The following BRINP3 variants were observed in gnomAD, a reference collection of about 807,000 sequenced individuals.
BRINP3 encodes BMP/retinoic acid-inducible neural-specific protein 3.
A neutral mutation model predicts 71.0 loss-of-function variants in BRINP3; 19 were observed. That is an observed-to-expected ratio of 0.27 (90% CI 0.19 to 0.39). The LOEUF is 0.39. Ranked by LOEUF, BRINP3 falls within the 10% of genes least tolerant of loss-of-function variation. The pLI is 1.00. For missense variants in BRINP3, 959 were observed against 940.8 expected (o/e 1.02, Z -0.25); for synonymous variants, 380 against 337.7 (o/e 1.13, Z -1.37).
intron 4 of BRINP3, among the ~76,000 whole-genome samples, chr1:190,255,039 T>G (rs571411646): frequency 2.6e-5 from 4 of 151,992 alleles, no homozygotes; most frequent in Non-Finnish European, 5.9e-5. Context: ...CATGTGGTTT[T>G]TTTTTTCATT....
rs959219293 is a variant in BRINP3, at chr1:190,393,824, T to C, written c.236+60831A>G. Among the ~76,000 whole-genome samples the C allele has an allele frequency of 7.9e-5, 12 of 151,696 alleles. No individual in the cohort carries two copies. The South Asian group carries it at 1.2e-3, about 16-fold the overall frequency. ...ATGCTAAAATGGATGTTATGGCTAG[T>C]TTTGTGCACTCACCGCAGAATTTCA... is the stretch of plus-strand genomic sequence containing the variant. On this transcript the variant is annotated intron_variant, in intron 2 of 7. Coordinates refer to ENST00000367462, the MANE Select transcript of BRINP3 (RefSeq NM_199051.3).
At chr1:190,376,854 C>T (rs751209986) in intron 2 of BRINP3, among the ~76,000 whole-genome samples, 2 of 151,878 alleles carry the variant, frequency 1.3e-5, no homozygotes, top group Non-Finnish European at 2.9e-5. Flanking sequence ...TGTTTTTAAA[C>T]TCATTTTCTA....
At chr1:190,401,260 A>G (rs1671900838) in intron 2 of BRINP3, among the ~76,000 whole-genome samples, 1 of 151,020 alleles carries the variant, frequency 6.6e-6, no homozygotes, top group South Asian at 2.1e-4. Context: ...TGGGAGGATG[A>G]GGCAGGAGAA....
intron 2 of BRINP3, among the ~76,000 whole-genome samples, chr1:190,303,017 T>G (rs985290983): frequency 6.6e-6 from 1 of 151,864 alleles, no homozygotes; most frequent in Non-Finnish European, 1.5e-5. Flanking sequence ...CAAGTTGGTA[T>G]ATCACCTTCA....
At chr1:190,127,802 C>T (rs1322119881) in intron 7 of BRINP3, among the ~76,000 whole-genome samples, 1 of 151,752 alleles carries the variant, frequency 6.6e-6, no homozygotes, top group Admixed American at 6.6e-5. Flanking sequence ...GAAACTGAGT[C>T]CTTTCTAATT....
intron 6 of BRINP3, among the ~76,000 whole-genome samples, chr1:190,165,987 C>CT: frequency 6.6e-6 from 1 of 152,156 alleles, no homozygotes; most frequent in East Asian, 1.9e-4. Flanking sequence ...CTTTTGCTAA[C>CT]TTTTTTTCTC....
At chr1:190,417,393 T>A (rs997110254) in intron 2 of BRINP3, among the ~76,000 whole-genome samples, 6 of 152,144 alleles carry the variant, frequency 3.9e-5, no homozygotes, top group Non-Finnish European at 5.9e-5. Context: ...GCAGAATTCT[T>A]CTTGTATCGA....
intron 7 of BRINP3, 79 bp downstream of exon 7, chr1:190,160,589 C>T: frequency 8.7e-7 from 1 of 1,154,082 alleles, no homozygotes; most frequent in Non-Finnish European, 1.3e-6. Context: ...TATATTAACA[C>T]ACCTGCATTC....
chr1:190,413,221 G>A (rs538311487), intron 2 of BRINP3, among the ~76,000 whole-genome samples: 5 of 151,934 alleles, frequency 3.3e-5, no homozygotes, highest in South Asian at 4.1e-4. Flanking sequence ...GCACCTGTGC[G>A]TGTGTTTTGT....
At chr1:190,239,963 T>A (rs956040007) in intron 4 of BRINP3, among the ~76,000 whole-genome samples, 9 of 151,874 alleles carry the variant, frequency 5.9e-5, no homozygotes, top group Non-Finnish European at 1.3e-4. Flanking sequence ...TACAATCTAT[T>A]TTAAATCATC....
chr1:190,359,925 C>A (rs770587860), intron 2 of BRINP3, among the ~76,000 whole-genome samples: 1 of 152,032 alleles, frequency 6.6e-6, no homozygotes, highest in African/African-American at 2.4e-5. Flanking sequence ...TTTTCACCTC[C>A]TAATATATGT....
rs1264917744 is a variant in BRINP3 at position 190,447,616 on chromosome 1, C to CTA, written c.236+7038_236+7039insTA. ...TTTCTCCCTATAGCTCTCTCTCTCT[C>CTA]TCTCTCTATATATATATACTACATA... On this transcript the variant is annotated intron_variant, in intron 2 of 7. Transcript: ENST00000367462. Among the ~76,000 whole-genome samples the CTA allele has an allele frequency of 5.2e-3, 764 of 147,658 alleles. 5 individuals are homozygous for CTA. The highest frequency in any genetic ancestry group is 0.017 in the African/African-American group (682 of 40,124).
rs746149135 is a variant in BRINP3 at position 190,452,243 on chromosome 1, A to G, written c.236+2412T>C. ...TAAAACTAAAGGTACCCTAATGAATAAATTATACTGTTCATTTTATAGCAA... is the reference window on the plus strand; with the variant it reads ...TAAAACTAAAGGTACCCTAATGAATGAATTATACTGTTCATTTTATAGCAA... On this transcript the variant is annotated intron_variant, in intron 2 of 7. Transcript: ENST00000367462. 6.0e-4 allele frequency among the ~76,000 whole-genome samples: 91 copies of G among 152,198 alleles called. 1 individual carries two copies. The highest frequency in any genetic ancestry group is 2.9e-3 in the Admixed American group (44 of 15,282).
At chr1:190,199,785 C>CA (rs1298585069) in intron 6 of BRINP3, among the ~76,000 whole-genome samples, 36 of 125,834 alleles carry the variant, frequency 2.9e-4, no homozygotes, top group African/African-American at 9.0e-4. Flanking sequence ...AAAAAAAAAA[C>CA]AAAAACAAAA....
intron 2 of BRINP3, among the ~76,000 whole-genome samples, chr1:190,359,693 G>A (rs576956785): frequency 1.6e-4 from 25 of 152,196 alleles, no homozygotes; most frequent in African/African-American, 5.5e-4. Context: ...ATACATTGAA[G>A]CTGGGAAAGT....
At chr1:190,312,391 C>A (rs890227469) in intron 2 of BRINP3, among the ~76,000 whole-genome samples, 1 of 151,340 alleles carries the variant, frequency 6.6e-6, no homozygotes, top group African/African-American at 2.4e-5. Flanking sequence ...TATTTATGAT[C>A]TCAGTGATAT....
In BRINP3 at chr1:190,103,251, A is replaced by T. The variant is rs557507203; in HGVS notation, c.1185-4117T>A. On this transcript the variant is annotated intron_variant, in intron 7 of 7. Coordinates refer to ENST00000367462, the MANE Select transcript of BRINP3 (RefSeq NM_199051.3). ...GACTATCGATAGTTTTCTGAGTCCC[A>T]ATGTGTTAAACTGTGATTTCACTTG... Among the ~76,000 whole-genome samples the T allele has an allele frequency of 2.0e-5, 3 of 152,202 alleles. No individual in the cohort carries two copies. The South Asian group carries it at 6.2e-4, about 32-fold the overall frequency.
rs561903710 is a variant in BRINP3 at position 190,418,129 on chromosome 1, T to C, written c.236+36526A>G. Among the ~76,000 whole-genome samples, 5 of 152,318 alleles carry C rather than the reference T, an allele frequency of 3.3e-5. No homozygotes were observed. The East Asian group carries it at 5.8e-4, about 18-fold the overall frequency. ...TGCCTGATTAGTCTTGACCTACCAA[T>C]GCCTTTAACATCCTAGCTAAAAGTC... On this transcript the variant is annotated intron_variant, in intron 2 of 7. Transcript: ENST00000367462.
intron 2 of BRINP3, among the ~76,000 whole-genome samples, chr1:190,319,925 T>C (rs191578618): frequency 2.6e-4 from 39 of 152,212 alleles, no homozygotes; most frequent in Middle Eastern, 3.4e-3. Context: ...CTATCACTTA[T>C]AAAGATGTCA....
Sources: allele counts gnomAD v4.1 joint callset (sites outside exome capture counted in the v4.1 genomes callset), GRCh38; gene constraint gnomAD v4.1.1; transcripts MANE v1.5; gene names NCBI Gene and HGNC (gene_info 2026-07-23, HGNC 2026-07-21).